Variants in SIPA1L1 observed in about 807,000 individuals in gnomAD.
The protein encoded by SIPA1L1 is signal-induced proliferation-associated 1-like protein 1.
A neutral mutation model predicts 162.7 loss-of-function variants in SIPA1L1; 26 were observed. That is an observed-to-expected ratio of 0.16 (90% confidence interval 0.12 to 0.22). The LOEUF (loss-of-function observed/expected upper bound fraction) is 0.22, where lower values mean the gene tolerates loss of function less well. Among genes scored for constraint, SIPA1L1 ranks in the 10% least tolerant of loss-of-function variants. The probability of loss-of-function intolerance (pLI) is 1.00; values close to 1 mark genes in which losing one functional copy is unlikely to be tolerated. For missense variants in SIPA1L1, 1,874 were observed against 2,241.0 expected (o/e 0.84, Z 3.31); for synonymous variants, 829 against 837.4 (o/e 0.99, Z 0.17).
chr14:71,604,711 AATAT>A (rs1395777484), intron 5 of SIPA1L1, among the ~76,000 whole-genome samples: 2 of 151,768 alleles, frequency 1.3e-5, no homozygotes, highest in Non-Finnish European at 2.9e-5. Context: ...CAGCACTTCT[AATAT>A]ATCTTCCCAT....
At chr14:71,489,006 G>A (rs1256247100) in intron 2 of SIPA1L1, among the ~76,000 whole-genome samples, 1 of 152,112 alleles carries the variant, frequency 6.6e-6, no homozygotes, top group East Asian at 1.9e-4. Context: ...TTGCCTCTGT[G>A]GAAGACGCCT....
chr14:71,684,430 C>T (rs1048089097), intron 12 of SIPA1L1, among the ~76,000 whole-genome samples: 11 of 152,262 alleles, frequency 7.2e-5, no homozygotes, highest in Non-Finnish European at 1.2e-4. Flanking sequence ...GCCTCATCCA[C>T]GTCAAGACCA....
intron 4 of SIPA1L1, chr14:71,573,884 G>T: frequency 6.0e-6 from 2 of 335,538 alleles, no homozygotes; most frequent in Non-Finnish European, 1.2e-5. Context: ...ACAGTAGATG[G>T]GCCTTTTCTT....
chr14:71,331,232 T>A (rs572761502), intron 2 of SIPA1L1, among the ~76,000 whole-genome samples: 3 of 152,372 alleles, frequency 2.0e-5, no homozygotes, highest in African/African-American at 7.2e-5. Flanking sequence ...ATTTCTGGGC[T>A]GTCTATTCTA....
chr14:71,509,851 G>C (rs190185518), intron 2 of SIPA1L1, among the ~76,000 whole-genome samples: 78 of 152,240 alleles, frequency 5.1e-4, no homozygotes, highest in Non-Finnish European at 1.0e-3. Flanking sequence ...TTTCTTTTAA[G>C]GGTTAAAGCA....
chr14:71,513,814 C>T (rs1187228936), intron 3 of SIPA1L1, among the ~76,000 whole-genome samples: 1 of 152,018 alleles, frequency 6.6e-6, no homozygotes, highest in Admixed American at 6.6e-5. Context: ...AAGAAATTGG[C>T]GAGTAAGCCA....
chr14:71,492,388 G>C (rs1174998486), intron 2 of SIPA1L1, among the ~76,000 whole-genome samples: 1 of 152,140 alleles, frequency 6.6e-6, no homozygotes, highest in Non-Finnish European at 1.5e-5. Flanking sequence ...AGCCAGAAGT[G>C]GGGTTTACAG....
intron 4 of SIPA1L1, among the ~76,000 whole-genome samples, chr14:71,554,335 A>T (rs1316847730): frequency 1.6e-5 from 1 of 63,750 alleles, no homozygotes; most frequent in Non-Finnish European, 2.7e-5. Flanking sequence ...TGAATTTAAA[A>T]GCAGATGACC....
chr14:71,330,343 A>C, intron 2 of SIPA1L1: 1 of 826,520 alleles, frequency 1.2e-6, no homozygotes, highest in East Asian at 2.4e-5. Flanking sequence ...TCTCTAGTGC[A>C]CAGTCCTCTC....
intron 5 of SIPA1L1, among the ~76,000 whole-genome samples, chr14:71,607,743 AG>A (rs1038097663): frequency 1.8e-4 from 28 of 152,338 alleles, no homozygotes; most frequent in African/African-American, 6.0e-4. Context: ...TTAATTAAAA[AG>A]TGCCCAGCAT....
At chr14:71,738,540 A>G (rs1287742904) in intron 23 of SIPA1L1, among the ~76,000 whole-genome samples, 1 of 152,150 alleles carries the variant, frequency 6.6e-6, no homozygotes, top group Non-Finnish European at 1.5e-5. Flanking sequence ...ATAATTTGTG[A>G]AAGGCTGTGA....
chr14:71,433,249 A>C (rs759095484), intron 2 of SIPA1L1, among the ~76,000 whole-genome samples: 3 of 152,168 alleles, frequency 2.0e-5, no homozygotes, highest in Non-Finnish European at 4.4e-5. Flanking sequence ...TATTTCCTGA[A>C]TTATCTTTTG....
At chr14:71,347,716 T>C (rs2036307590) in intron 2 of SIPA1L1, among the ~76,000 whole-genome samples, 1 of 152,228 alleles carries the variant, frequency 6.6e-6, no homozygotes, top group African/African-American at 2.4e-5. Context: ...TCATAATAGG[T>C]GTGAATGACT....
intron 2 of SIPA1L1, among the ~76,000 whole-genome samples, chr14:71,356,896 C>A (rs2037329352): frequency 6.6e-6 from 1 of 151,830 alleles, no homozygotes; most frequent in Non-Finnish European, 1.5e-5. Context: ...AGTCAAGACC[C>A]ATTCTTGTGA....
chr14:71,502,255 A>AAATATATATATATAT (rs67020418), intron 2 of SIPA1L1, among the ~76,000 whole-genome samples: 10 of 97,544 alleles, frequency 1.0e-4, no homozygotes, highest in African/African-American at 4.5e-4. Flanking sequence ...AAAAAAAAAA[A>AAATATATATATATAT]ATATATATAT....
chr14:71,579,824 T>C (rs976076769), intron 4 of SIPA1L1, among the ~76,000 whole-genome samples: 10 of 152,256 alleles, frequency 6.6e-5, no homozygotes, highest in African/African-American at 2.4e-4. Flanking sequence ...TCTTAAATTC[T>C]TTTTGGAACA....
chr14:71,525,962 C>T (rs1174185780), intron 3 of SIPA1L1, among the ~76,000 whole-genome samples: 6 of 152,170 alleles, frequency 3.9e-5, no homozygotes, highest in Admixed American at 6.5e-5. Context: ...CTCCTGTGTA[C>T]GCTATCTAAT....
chr14:71,529,278 A>C (rs2053204628), intron 3 of SIPA1L1, 34 bp from the exon 4 acceptor site: 1 of 604,550 alleles, frequency 1.7e-6, no homozygotes, highest in Admixed American at 2.8e-5. Context: ...TTTATTGTGC[A>C]CTTAACCAGG....
At chr14:71,738,949 A>T (rs777838431) in intron 23 of SIPA1L1, 69 bp from the exon 24 acceptor site, 272 of 1,532,162 alleles carry the variant, frequency 1.8e-4, no homozygotes, top group Non-Finnish European at 2.3e-4. Flanking sequence ...GTCCATAGCT[A>T]TTACTCAGAA....
Sources: allele counts gnomAD v4.1 joint callset (sites outside exome capture counted in the v4.1 genomes callset), GRCh38; gene constraint gnomAD v4.1.1; transcripts MANE v1.5; gene names NCBI Gene and HGNC (gene_info 2026-07-23, HGNC 2026-07-21).